PLGRKT: variants seen among roughly 807,000 people sequenced by gnomAD.
PLGRKT encodes the protein plasminogen receptor with a C-terminal lysine.
In PLGRKT, 22 loss-of-function variants were observed where a neutral mutation model predicts 18.5. The observed-to-expected ratio is 1.19, with a 90% CI of 0.85 to 1.70. PLGRKT has a LOEUF of 1.70. Ranked by LOEUF, PLGRKT falls within the 40% of genes most tolerant of loss-of-function variation. The pLI is 0.00. For missense variants in PLGRKT, 235 were observed against 174.4 expected (o/e 1.35, Z -1.96); for synonymous variants, 72 against 52.8 (o/e 1.36, Z -1.58).
intron 3 of PLGRKT, among the ~76,000 whole-genome samples, chr9:5,374,909 T>TTGTATAAATCTTCCATGTATTTAC (rs1817599144): frequency 6.6e-6 from 1 of 152,144 alleles, no homozygotes; most frequent in Non-Finnish European, 1.5e-5. Context: ...TACATGCTAT[T>TTGTATAAATCTTCCATGTATTTAC]ATGTTCTGAT....
At chr9:5,381,949 C>A in intron 3 of PLGRKT, 1 of 985,098 alleles carries the variant, frequency 1.0e-6, no homozygotes, top group Non-Finnish European at 1.2e-6. Flanking sequence ...GGCCTCCATG[C>A]CTGAGCCAGC....
chr9:5,424,669 TA>T (rs1818656141), intron 3 of PLGRKT, among the ~76,000 whole-genome samples: 4 of 43,746 alleles, frequency 9.1e-5, no homozygotes, highest in Non-Finnish European at 1.5e-4. Context: ...TTATATATTT[TA>T]TATATATATA....
chr9:5,385,865 T>C (rs139380951), intron 3 of PLGRKT, among the ~76,000 whole-genome samples: 2 of 151,906 alleles, frequency 1.3e-5, no homozygotes, highest in African/African-American at 4.9e-5. Context: ...AAGACAGAGA[T>C]GGTGTCTCTC....
chr9:5,418,283 C>A lies in PLGRKT; in HGVS notation c.81+13614G>T. On this transcript the variant is annotated intron_variant, in intron 3 of 5. Transcript: ENST00000223864. The surrounding 1 kb of genome is among the most constrained non-coding windows in gnomAD (Gnocchi z 4.2). Reference sequence around the variant, plus strand: ...TCTCAGCACCAAATGGTCAGTGTCGCCCCCTCATCTTCTCACTGGGATCTC... The same window carrying A: ...TCTCAGCACCAAATGGTCAGTGTCGACCCCTCATCTTCTCACTGGGATCTC... The A allele has an allele frequency of 2.0e-6, 1 of 489,000 alleles. No homozygotes were observed. The highest frequency in any genetic ancestry group is 3.9e-6 in the Non-Finnish European group (1 of 255,600). 30.3% of individuals were successfully genotyped at this position (489,000 alleles called of 1,614,324 possible). A position where few individuals can be genotyped will look rare whatever the true frequency, so the allele number is the denominator to read the frequency against.
intron 3 of PLGRKT, among the ~76,000 whole-genome samples, chr9:5,397,189 T>C (rs973232469): frequency 1.3e-5 from 2 of 151,936 alleles, no homozygotes; most frequent in Admixed American, 1.3e-4. Context: ...TCGTGCCTAC[T>C]AGTGGCAACC....
At chr9:5,390,357 T>C (rs533033182) in intron 3 of PLGRKT, among the ~76,000 whole-genome samples, 1 of 151,738 alleles carries the variant, frequency 6.6e-6, no homozygotes, top group East Asian at 1.9e-4. Context: ...CAAGGTAGCC[T>C]CATGCTGGAC....
chr9:5,367,254 T>G (rs940976330), intron 3 of PLGRKT, among the ~76,000 whole-genome samples: 1 of 152,008 alleles, frequency 6.6e-6, no homozygotes, highest in African/African-American at 2.4e-5. Context: ...TTTCTAAAAT[T>G]CATATGAAAC....
chr9:5,410,274 G>T (rs1015110730), intron 3 of PLGRKT, among the ~76,000 whole-genome samples: 1 of 152,138 alleles, frequency 6.6e-6, no homozygotes, highest in African/African-American at 2.4e-5. Flanking sequence ...AGTGGCTCAT[G>T]CCTGTAATCC....
chr9:5,400,948 G>T (rs1221460402), intron 3 of PLGRKT, among the ~76,000 whole-genome samples: 1 of 151,948 alleles, frequency 6.6e-6, no homozygotes, highest in South Asian at 2.1e-4. Context: ...TGTAGGAGAA[G>T]TGGGGTGTTG....
At chr9:5,424,423 A>G (rs1818640820) in intron 3 of PLGRKT, among the ~76,000 whole-genome samples, 1 of 119,592 alleles carries the variant, frequency 8.4e-6, no homozygotes, top group Admixed American at 9.4e-5. Context: ...AACATATAAT[A>G]TATAACATAT....
chr9:5,417,569 G>GAA (rs1256254557), intron 3 of PLGRKT, among the ~76,000 whole-genome samples: 6 of 111,234 alleles, frequency 5.4e-5, no homozygotes, highest in South Asian at 2.8e-4. Flanking sequence ...ACTGTCAAGA[G>GAA]AAAAAAAAAA....
At position 5,437,075 on chromosome 9, in the gene PLGRKT, C is replaced by T. The variant is rs560978546; in HGVS notation, c.-132-381G>A. On this transcript the variant is annotated intron_variant, in intron 1 of 5. Transcript: ENST00000223864. ...TTTCAATCCCTCTGTCTTCATTTTC[C>T]CTTTGATTCCTTCTGAGATCTTGGA... is the stretch of plus-strand genomic sequence containing the variant. 2.8e-4 allele frequency among the ~76,000 whole-genome samples: 42 copies of T among 152,128 alleles called. 1 individual carries two copies. In the South Asian group the frequency reaches 6.8e-3, roughly 25 times the overall value.
chr9:5,436,450 C>T (rs925797782), intron 2 of PLGRKT, 119 bp downstream of exon 2: 2 of 152,240 alleles, frequency 1.3e-5, no homozygotes, highest in Non-Finnish European at 2.9e-5. Flanking sequence ...TATCACAGAG[C>T]TGTGTGCTTT....
intron 3 of PLGRKT, among the ~76,000 whole-genome samples, chr9:5,400,544 TA>T (rs923273109): frequency 4.0e-5 from 6 of 151,882 alleles, no homozygotes; most frequent in Admixed American, 1.3e-4. Flanking sequence ...ATCATAAACC[TA>T]CCAAACAGAT....
At chr9:5,377,781 GT>G (rs1817658877) in intron 3 of PLGRKT, among the ~76,000 whole-genome samples, 2 of 152,140 alleles carry the variant, frequency 1.3e-5, no homozygotes, top group African/African-American at 4.8e-5. Flanking sequence ...GGCAGTGTTT[GT>G]CCCCAGCCAA....
intron 3 of PLGRKT, among the ~76,000 whole-genome samples, chr9:5,397,154 C>A (rs1242485021): frequency 6.6e-6 from 1 of 151,950 alleles, no homozygotes; most frequent in Non-Finnish European, 1.5e-5. Context: ...AGGCTTCCTA[C>A]TAGTGGCAAC....
At chr9:5,387,685 G>A (rs927549931) in intron 3 of PLGRKT, among the ~76,000 whole-genome samples, 1 of 151,708 alleles carries the variant, frequency 6.6e-6, no homozygotes, top group Non-Finnish European at 1.5e-5. Flanking sequence ...GGCTGGGAAT[G>A]ATCTATCTTT....
At chr9:5,369,556 C>A (rs976454255) in intron 3 of PLGRKT, among the ~76,000 whole-genome samples, 1 of 152,062 alleles carries the variant, frequency 6.6e-6, no homozygotes, top group African/African-American at 2.4e-5. Context: ...GATTTAGAAC[C>A]AGAAATACCA....
intron 3 of PLGRKT, among the ~76,000 whole-genome samples, chr9:5,402,199 T>C (rs73397119): frequency 0.047 from 7,083 of 151,832 alleles, 683 homozygotes; most frequent in African/African-American, 0.16. Flanking sequence ...ATTATTTTGT[T>C]TGATTAGTGT....
Sources: allele counts gnomAD v4.1 joint callset (sites outside exome capture counted in the v4.1 genomes callset), GRCh38; gene constraint gnomAD v4.1.1; non-coding constraint Gnocchi (gnomAD v3.1); transcripts MANE v1.5; gene names NCBI Gene and HGNC (gene_info 2026-07-23, HGNC 2026-07-21).